Variants in TAMM41 observed in about 807,000 individuals in gnomAD.
TAMM41 encodes the protein TAM41 mitochondrial translocator assembly and maintenance homolog.
In TAMM41, 36 loss-of-function variants were observed where a neutral mutation model predicts 44.1. The ratio of observed to expected loss-of-function variants is 0.82; its 90% confidence interval spans 0.63 to 1.08. The LOEUF is 1.08. Ranked by LOEUF, TAMM41 falls within the 50% of genes least tolerant of loss-of-function variation. The probability of loss-of-function intolerance (pLI) is 0.00; values close to 1 mark genes in which losing one functional copy is unlikely to be tolerated. For missense variants in TAMM41, 417 were observed against 404.3 expected (o/e 1.03, Z -0.27); for synonymous variants, 164 against 153.1 (o/e 1.07, Z -0.53).
chr3:11,736,939 G>C, the TAMM41 span, among the ~76,000 whole-genome samples: 1 of 152,160 alleles, frequency 6.6e-6, no homozygotes, highest in Non-Finnish European at 1.5e-5. Flanking sequence ...GAACTCTTCA[G>C]GGGATGATTC....
the TAMM41 span, among the ~76,000 whole-genome samples, chr3:11,784,777 A>G: frequency 6.6e-6 from 1 of 151,008 alleles, no homozygotes; most frequent in Non-Finnish European, 1.5e-5. Flanking sequence ...CAGAAAAGTG[A>G]GAACACTTCT....
chr3:11,743,596 G>C, the TAMM41 span, among the ~76,000 whole-genome samples: 7 of 152,152 alleles, frequency 4.6e-5, no homozygotes, highest in African/African-American at 1.7e-4. Flanking sequence ...ACCTCTCAAA[G>C]TACTGGGATT....
At chr3:11,813,583 C>T (rs564407978) in intron 5 of TAMM41, among the ~76,000 whole-genome samples, 1 of 152,186 alleles carries the variant, frequency 6.6e-6, no homozygotes, top group African/African-American at 2.4e-5. Context: ...ATCCTATAGT[C>T]AAGCCCACCA....
chr3:11,735,280 C>A, the TAMM41 span, among the ~76,000 whole-genome samples: 538 of 152,202 alleles, frequency 3.5e-3, 2 homozygotes, highest in African/African-American at 0.012. Context: ...ATCACTTGAG[C>A]CCAGGAATTT....
intron 1 of TAMM41, chr3:11,844,979 TAAAC>T (rs2079613142): frequency 4.4e-6 from 2 of 456,650 alleles, no homozygotes; most frequent in Non-Finnish European, 8.8e-6. Flanking sequence ...ACACGTGAGT[TAAAC>T]AGACTTGCTG....
the TAMM41 span, among the ~76,000 whole-genome samples, chr3:11,777,591 C>T: frequency 1.3e-5 from 2 of 152,144 alleles, no homozygotes; most frequent in South Asian, 2.1e-4. Context: ...ATCCAGAGTT[C>T]GAGACCAGCC....
the TAMM41 span, among the ~76,000 whole-genome samples, chr3:11,773,579 T>C: frequency 3.9e-5 from 6 of 152,154 alleles, no homozygotes; most frequent in Admixed American, 1.3e-4. Flanking sequence ...TCCAGACCTG[T>C]TGGCAAACAA....
At chr3:11,784,884 C>T in the TAMM41 span, among the ~76,000 whole-genome samples, 2 of 147,278 alleles carry the variant, frequency 1.4e-5, no homozygotes, top group African/African-American at 2.5e-5. Flanking sequence ...CTCACTGCAA[C>T]TTCCGCCTCC....
the TAMM41 span, among the ~76,000 whole-genome samples, chr3:11,781,784 TACA>T: frequency 1.5e-5 from 2 of 131,776 alleles, no homozygotes; most frequent in African/African-American, 5.5e-5. Flanking sequence ...ATAATAATCA[TACA>T]AATAAGAGAC....
intron 2 of TAMM41, among the ~76,000 whole-genome samples, chr3:11,842,453 TC>T (rs928292198): frequency 8.4e-5 from 12 of 143,668 alleles, no homozygotes; most frequent in African/African-American, 3.1e-4. Context: ...CACCTGTAAA[TC>T]CCAGTACTTT....
At chr3:11,727,429 G>A in the TAMM41 span, among the ~76,000 whole-genome samples, 1 of 152,156 alleles carries the variant, frequency 6.6e-6, no homozygotes, top group Non-Finnish European at 1.5e-5. Flanking sequence ...CATATTCACA[G>A]TGCACTGAGA....
the TAMM41 span, among the ~76,000 whole-genome samples, chr3:11,784,796 C>CTTTTTTTTTTTT: frequency 9.2e-6 from 1 of 109,034 alleles, no homozygotes; most frequent in African/African-American, 3.6e-5. Flanking sequence ...CTTTTCTTTT[C>CTTTTTTTTTTTT]TTTTTTTTTT....
intron 3 of TAMM41, among the ~76,000 whole-genome samples, chr3:11,834,623 A>C (rs958354400): frequency 3.9e-5 from 6 of 152,236 alleles, no homozygotes; most frequent in African/African-American, 1.4e-4. Flanking sequence ...TTAATGGTAA[A>C]GTATGATAAA....
Position 11,809,514 on chromosome 3 carries a change from T to A in TAMM41, c.874+3A>T. On this transcript the variant is annotated splice_donor_region_variant and intron_variant, in intron 6 of 7. Coordinates refer to ENST00000455809, the MANE Select transcript of TAMM41 (RefSeq NM_001284401.2). ...TTCCTCAACATCAAATTCATAAACGTACCTAGTCGCACCACATCTCCACAG... is the reference window on the plus strand; with the variant it reads ...TTCCTCAACATCAAATTCATAAACGAACCTAGTCGCACCACATCTCCACAG... The A allele has an allele frequency of 1.2e-6, 2 of 1,613,432 alleles. No individual in the cohort carries two copies. The highest frequency in any genetic ancestry group is 8.5e-7 in the Non-Finnish European group (1 of 1,179,892).
At chr3:11,739,369 T>C in the TAMM41 span, among the ~76,000 whole-genome samples, 1 of 152,084 alleles carries the variant, frequency 6.6e-6, no homozygotes, top group South Asian at 2.1e-4. Flanking sequence ...ACAGGAGTAG[T>C]CAAATGACTA....
intron 3 of TAMM41, among the ~76,000 whole-genome samples, chr3:11,836,661 A>G (rs745623731): frequency 7.3e-5 from 11 of 151,572 alleles, no homozygotes; most frequent in Non-Finnish European, 1.6e-4. Flanking sequence ...CTGGGGTTTC[A>G]CTATGATGGC....
intron 4 of TAMM41, among the ~76,000 whole-genome samples, chr3:11,828,047 T>C (rs548842770): frequency 2.5e-4 from 38 of 152,172 alleles, no homozygotes; most frequent in Non-Finnish European, 5.1e-4. Context: ...TAGTAGACAA[T>C]ATGAATTTTG....
chr3:11,840,886 A>G (rs1041923101), intron 2 of TAMM41, among the ~76,000 whole-genome samples: 5 of 152,086 alleles, frequency 3.3e-5, no homozygotes, highest in South Asian at 4.1e-4. Context: ...TGGTCTTCCA[A>G]TGCTCTTTTC....
At chr3:11,826,104 TAA>T (rs2078736493) in intron 4 of TAMM41, among the ~76,000 whole-genome samples, 1 of 152,108 alleles carries the variant, frequency 6.6e-6, no homozygotes, top group Non-Finnish European at 1.5e-5. Context: ...GGAGCTAATA[TAA>T]GTGTCCATCA....
Sources: allele counts gnomAD v4.1 joint callset (sites outside exome capture counted in the v4.1 genomes callset), GRCh38; gene constraint gnomAD v4.1.1; transcripts MANE v1.5; gene names NCBI Gene and HGNC (gene_info 2026-07-23, HGNC 2026-07-21).